Variants in LRRC52 observed in about 807,000 individuals in gnomAD.
LRRC52 encodes leucine-rich repeat-containing protein 52.
LRRC52 carries 15 observed loss-of-function variants against 14.7 expected under a neutral mutation model. The ratio of observed to expected loss-of-function variants is 1.02; its 90% CI spans 0.68 to 1.58. The LOEUF (loss-of-function observed/expected upper bound fraction) is 1.58. Ranked by LOEUF, LRRC52 falls within the 40% of genes most tolerant of loss-of-function variation. The pLI, the probability that LRRC52 is intolerant of heterozygous loss-of-function variation, is 0.00. For synonymous variants in LRRC52, 180 were observed against 163.9 expected (o/e 1.10, Z -0.75); for missense variants, 400 against 387.7 (o/e 1.03, Z -0.27).
chr1:165,549,571 C>T (rs1033276542), intron 1 of LRRC52, among the ~76,000 whole-genome samples: 3 of 152,162 alleles, frequency 2.0e-5, no homozygotes, highest in Non-Finnish European at 4.4e-5. Flanking sequence ...TATCAGCTCT[C>T]ATATCAGAAG....
rs1660984208 is a variant in LRRC52, at chr1:165,544,810, C to A, written c.514C>A (p.His172Asn). The A allele has an allele frequency of 6.2e-7, 1 of 1,614,056 alleles. No homozygotes were observed. Residue 172 changes from histidine (H) to asparagine (N), a missense_variant, in exon 1 of 2, where the codon CAC becomes AAC. Coordinates refer to ENST00000294818, the MANE Select transcript of LRRC52 (RefSeq NM_001005214.4). ...GACCCTGGACAGTGCTGCCTTATACCACCTCACTACTCTGGAGACCCTGTT... is the reference window on the plus strand; with the variant it reads ...GACCCTGGACAGTGCTGCCTTATACAACCTCACTACTCTGGAGACCCTGTT... ...LQTLDSAALY[H>N]LTTLETLFLS...
rs763795745 is a variant in LRRC52 at position 165,544,432 on chromosome 1, GA to G, written c.138del (p.Glu46AspfsTer8). ...AATCTGCACAGGGAAGCAGTTAACC[GA>G]ATACCCCCTTGACATACCCCTGAAC... Reference protein sequence around the residue: ...EVICTGKQLTEYPLDIPLNTR... With the variant: ...EVICTGKQLTXYPLDIPLNTR... On this transcript the variant is annotated frameshift_variant, in exon 1 of 2. Coordinates refer to ENST00000294818, the MANE Select transcript of LRRC52 (RefSeq NM_001005214.4). LOFTEE classifies it high-confidence loss of function. 13 of 1,614,086 alleles carry G rather than the reference GA, an allele frequency of 8.1e-6. No individual in the cohort carries two copies. The highest frequency in any genetic ancestry group is 1.1e-5 in the Non-Finnish European group (13 of 1,180,020).
At position 165,548,439 on chromosome 1, in the gene LRRC52, T is replaced by C. The variant is rs74120744; in HGVS notation, c.622+3521T>C. On this transcript the variant is annotated intron_variant, in intron 1 of 1. Coordinates refer to ENST00000294818, the MANE Select transcript of LRRC52 (RefSeq NM_001005214.4). ...ACGTAACTCTAGGTCATCTGTGCCA[T>C]ATCTATGTCATAGTTTAGTTGTGCA... Among the ~76,000 whole-genome samples the C allele has an allele frequency of 6.5e-3, 987 of 152,346 alleles. 3 individuals are homozygous for C. Among genetic ancestry groups the C allele is most frequent in the African/African-American group, 0.022 (923 of 41,574 alleles).
chr1:165,555,700 A>T (rs1449576906), intron 1 of LRRC52, among the ~76,000 whole-genome samples: 3 of 152,228 alleles, frequency 2.0e-5, no homozygotes, highest in Non-Finnish European at 4.4e-5. Flanking sequence ...GAATCAGGAT[A>T]CATTTTGAAG....
At chr1:165,549,106 T>C (rs926002468) in intron 1 of LRRC52, among the ~76,000 whole-genome samples, 1 of 152,112 alleles carries the variant, frequency 6.6e-6, no homozygotes, top group African/African-American at 2.4e-5. Context: ...TCTGACTAAG[T>C]TGGGTATTAT....
intron 1 of LRRC52, among the ~76,000 whole-genome samples, chr1:165,556,995 A>G (rs906214607): frequency 6.6e-6 from 1 of 152,230 alleles, no homozygotes; most frequent in Admixed American, 6.5e-5. Context: ...GAGTTTTAAA[A>G]GTGCTATAGG....
At chr1:165,558,797 T>G (rs1183592273) in intron 1 of LRRC52, among the ~76,000 whole-genome samples, 1 of 152,158 alleles carries the variant, frequency 6.6e-6, no homozygotes, top group Non-Finnish European at 1.5e-5. Context: ...CTTATTAAAA[T>G]ACAAAGTTTG....
At chr1:165,561,968 CTG>C (rs1292840163) in intron 1 of LRRC52, among the ~76,000 whole-genome samples, 1 of 152,228 alleles carries the variant, frequency 6.6e-6, no homozygotes, top group Non-Finnish European at 1.5e-5. Flanking sequence ...ATTTACCTAA[CTG>C]AACCTGATTT....
chr1:165,563,265 C>T (rs1661386049), intron 1 of LRRC52, among the ~76,000 whole-genome samples: 1 of 152,240 alleles, frequency 6.6e-6, no homozygotes, highest in African/African-American at 2.4e-5. Flanking sequence ...ACTTCTCAAA[C>T]TCCAATGTGC....
chr1:165,561,424 C>A (rs368992351), intron 1 of LRRC52, among the ~76,000 whole-genome samples: 3 of 152,180 alleles, frequency 2.0e-5, no homozygotes, highest in African/African-American at 7.2e-5. Context: ...AGCTCTCTCT[C>A]GATAGAATTC....
chr1:165,554,202 G>A (rs557958855), intron 1 of LRRC52, among the ~76,000 whole-genome samples: 4 of 152,146 alleles, frequency 2.6e-5, no homozygotes. Context: ...ATTAATGCTA[G>A]CTGTCGTTGT....
intron 1 of LRRC52, among the ~76,000 whole-genome samples, chr1:165,549,290 CT>C (rs1427740306): frequency 1.3e-5 from 2 of 152,210 alleles, no homozygotes; most frequent in Non-Finnish European, 2.9e-5. Flanking sequence ...ACAAGCTCCA[CT>C]TCCAGAGGCA....
At chr1:165,558,471 T>C (rs1557966810) in intron 1 of LRRC52, among the ~76,000 whole-genome samples, 2 of 152,206 alleles carry the variant, frequency 1.3e-5, no homozygotes, top group South Asian at 4.1e-4. Context: ...TTCCATAGCA[T>C]GGGAATAATT....
chr1:165,544,149 C>T lies in LRRC52; in HGVS notation c.-148C>T. The T allele has an allele frequency of 1.0e-6, 1 of 993,820 alleles. No individual in the cohort carries two copies. The highest frequency in any genetic ancestry group is 1.5e-6 in the Non-Finnish European group (1 of 678,754). 61.6% of individuals were successfully genotyped at this position (993,820 alleles called of 1,614,324 possible). ...CGCGTTTCAATTTCTGTTCAGTTCT[C>T]CTGTAATGGAAAATTGCTTTGCACA... is the stretch of plus-strand genomic sequence containing the variant. On this transcript the variant is annotated 5_prime_UTR_variant, in exon 1 of 2. Coordinates refer to ENST00000294818, the MANE Select transcript of LRRC52 (RefSeq NM_001005214.4).
intron 1 of LRRC52, among the ~76,000 whole-genome samples, chr1:165,550,695 T>C (rs765791659): frequency 2.6e-5 from 4 of 152,298 alleles, no homozygotes; most frequent in Non-Finnish European, 4.4e-5. Flanking sequence ...GAAACATTTA[T>C]TGTATATTCA....
intron 1 of LRRC52, among the ~76,000 whole-genome samples, chr1:165,546,952 G>C (rs979931306): frequency 1.3e-5 from 2 of 152,102 alleles, no homozygotes; most frequent in Non-Finnish European, 2.9e-5. Flanking sequence ...TTGTGAGGTA[G>C]ACAAAGCTTT....
chr1:165,557,478 C>T (rs1018415632), intron 1 of LRRC52, among the ~76,000 whole-genome samples: 3 of 152,196 alleles, frequency 2.0e-5, no homozygotes, highest in Admixed American at 6.5e-5. Flanking sequence ...GAATAACAAT[C>T]AATTCATTCA....
chr1:165,544,111 G>A lies in LRRC52; in HGVS notation c.-186G>A, dbSNP rs564511606. On this transcript the variant is annotated 5_prime_UTR_variant, in exon 1 of 2. Coordinates refer to ENST00000294818, the MANE Select transcript of LRRC52 (RefSeq NM_001005214.4). ...GACAGAGCCACCAAGCTGGGCGGCA[G>A]GGCATTGAGCCTCGCGTTTCAATTT... 769 of 707,780 alleles carry A rather than the reference G, an allele frequency of 1.1e-3. No individual in the cohort carries two copies. The highest frequency in any genetic ancestry group is 1.7e-3 in the Non-Finnish European group (721 of 435,610). The allele number at this position is 707,780 out of a possible 1,614,324, so 43.8% of individuals were successfully genotyped here. A position where few individuals can be genotyped will look rare whatever the true frequency, so the allele number is the denominator to read the frequency against.
intron 1 of LRRC52, among the ~76,000 whole-genome samples, chr1:165,555,747 T>C (rs985310170): frequency 1.2e-4 from 18 of 152,320 alleles, no homozygotes; most frequent in African/African-American, 4.3e-4. Context: ...TCTGAACATG[T>C]AATGTGAAAG....
Sources: allele counts gnomAD v4.1 joint callset (sites outside exome capture counted in the v4.1 genomes callset), GRCh38; gene constraint gnomAD v4.1.1; transcripts MANE v1.5; gene names NCBI Gene and HGNC (gene_info 2026-07-23, HGNC 2026-07-21).